Variants in NRXN3 observed in about 807,000 individuals in gnomAD.
The protein encoded by NRXN3 is neurexin 3, also known as neurexin III.
In NRXN3, 32 loss-of-function variants were observed where a neutral mutation model predicts 137.6. The observed-to-expected ratio is 0.23, with a 90% CI of 0.18 to 0.31. The LOEUF is 0.31. Among genes scored for constraint, NRXN3 ranks in the 10% least tolerant of loss-of-function variants. The pLI, the probability that NRXN3 is intolerant of heterozygous loss-of-function variation, is 1.00. For missense variants in NRXN3, 1,574 were observed against 2,062.5 expected, an observed-to-expected ratio of 0.76 and a Z score of 4.59; for synonymous variants, 798 against 784.5, an observed-to-expected ratio of 1.02 and a Z score of -0.29.
intron 4 of NRXN3, among the ~76,000 whole-genome samples, chr14:78,603,298 G>A (rs984589794): frequency 1.3e-5 from 2 of 152,090 alleles, no homozygotes; most frequent in African/African-American, 4.8e-5. Flanking sequence ...TACCCATCAT[G>A]TTTTGATATA....
At chr14:79,239,139 G>A (rs2043991790) in intron 15 of NRXN3, among the ~76,000 whole-genome samples, 1 of 152,110 alleles carries the variant, frequency 6.6e-6, no homozygotes, top group African/African-American at 2.4e-5. Context: ...ATTAGTCACA[G>A]TAAGAGATTA....
intron 3 of NRXN3, 21 bp from the exon 4 acceptor site, chr14:78,297,810 C>T (rs2076494342): frequency 6.6e-7 from 1 of 1,517,816 alleles, no homozygotes; most frequent in Admixed American, 2.0e-5. Context: ...TCTTCCCTTT[C>T]TCCCTGTTTC....
chr14:78,292,940 C>T (rs537713131), intron 3 of NRXN3, among the ~76,000 whole-genome samples: 1 of 152,220 alleles, frequency 6.6e-6, no homozygotes, highest in Admixed American at 6.5e-5. Flanking sequence ...TTTCTGAGGT[C>T]GACTAGAAGG....
chr14:78,452,463 G>A (rs908108581), intron 4 of NRXN3, among the ~76,000 whole-genome samples: 2 of 152,182 alleles, frequency 1.3e-5, no homozygotes. Flanking sequence ...CACCCAGATG[G>A]TGACAGATCC....
intron 1 of NRXN3, among the ~76,000 whole-genome samples, chr14:78,190,336 AAAC>A (rs2060599072): frequency 6.6e-6 from 1 of 152,212 alleles, no homozygotes; most frequent in African/African-American, 2.4e-5. Flanking sequence ...ACAAACTAGA[AAAC>A]AACAAAATTC....
At chr14:79,785,319 T>A (rs60327461) in intron 19 of NRXN3, among the ~76,000 whole-genome samples, 11,534 of 152,274 alleles carry the variant, frequency 0.076, 506 homozygotes, top group South Asian at 0.15. Context: ...TTACACCTCC[T>A]CTCGGTCCTC....
At chr14:79,018,260 C>CAAAAAAAAAAAAAA (rs1163466834) in intron 15 of NRXN3, among the ~76,000 whole-genome samples, 1 of 23,160 alleles carries the variant, frequency 4.3e-5, no homozygotes, top group African/African-American at 1.6e-4. Flanking sequence ...AACTCTGTCT[C>CAAAAAAAAAAAAAA]AAAAAAAAAA....
At chr14:79,689,883 A>C (rs1393980647) in intron 17 of NRXN3, among the ~76,000 whole-genome samples, 1 of 152,150 alleles carries the variant, frequency 6.6e-6, no homozygotes, top group Non-Finnish European at 1.5e-5. Flanking sequence ...GGTGTATATT[A>C]AATTCTAGAA....
chr14:79,185,268 GT>G (rs1430098008), intron 15 of NRXN3, among the ~76,000 whole-genome samples: 2 of 152,150 alleles, frequency 1.3e-5, no homozygotes, highest in Admixed American at 1.3e-4. Flanking sequence ...GCTCTGAGTT[GT>G]CTTCTCTCAT....
chr14:79,638,741 G>T (rs1472882451), intron 16 of NRXN3, among the ~76,000 whole-genome samples: 2 of 152,332 alleles, frequency 1.3e-5, no homozygotes, highest in Middle Eastern at 3.4e-3. Flanking sequence ...GAAAGGAACA[G>T]GATGGTAGAG....
intron 6 of NRXN3, among the ~76,000 whole-genome samples, chr14:78,663,276 C>G (rs1567005316): frequency 6.6e-6 from 1 of 152,194 alleles, no homozygotes; most frequent in Non-Finnish European, 1.5e-5. Context: ...GGAATTGTCT[C>G]TCACTACCGC....
chr14:79,674,186 G>A (rs1384482234), intron 17 of NRXN3, among the ~76,000 whole-genome samples: 1 of 152,024 alleles, frequency 6.6e-6, no homozygotes, highest in East Asian at 1.9e-4. Flanking sequence ...CCTACCTAGT[G>A]TGAAAGATGA....
In NRXN3 at chr14:78,177,567, A is replaced by ATTAG. The variant is rs535663177; in HGVS notation, c.-704+6893_-704+6894insTTAG. Among the ~76,000 whole-genome samples the ATTAG allele has an allele frequency of 1.7e-3, 251 of 152,002 alleles. 1 individual carries two copies. The highest frequency in any genetic ancestry group is 6.8e-3 in the Middle Eastern group (2 of 294). On this transcript the variant is annotated intron_variant, in intron 1 of 20. Transcript: ENST00000335750. ...GGCCTTTGTCCTAGTGTAATTAGTA[A>ATTAG]CTCTCAAAAGTGTCCCGGTTTGGAT...
intron 1 of NRXN3, among the ~76,000 whole-genome samples, chr14:78,240,881 A>T (rs2066996854): frequency 6.6e-6 from 1 of 152,198 alleles, no homozygotes; most frequent in African/African-American, 2.4e-5. Flanking sequence ...TGATGTGGTT[A>T]TCATTAAAAT....
At chr14:79,239,019 GA>G (rs1169312479) in intron 15 of NRXN3, among the ~76,000 whole-genome samples, 1 of 152,082 alleles carries the variant, frequency 6.6e-6, no homozygotes, top group Admixed American at 6.6e-5. Flanking sequence ...AATGATCTAA[GA>G]CCCCCAGTAG....
intron 4 of NRXN3, among the ~76,000 whole-genome samples, chr14:78,490,463 G>C (rs2095645971): frequency 6.6e-6 from 1 of 152,132 alleles, no homozygotes; most frequent in South Asian, 2.1e-4. Flanking sequence ...TCTTGGTTTT[G>C]CTGTACCCAT....
intron 15 of NRXN3, among the ~76,000 whole-genome samples, chr14:79,040,688 G>A (rs76631944): frequency 0.055 from 8,379 of 152,092 alleles, 678 homozygotes; most frequent in African/African-American, 0.18. Flanking sequence ...GAGGGGTCCC[G>A]GAAGAGGGTT....
At chr14:78,644,777 A>T (rs999282835) in intron 4 of NRXN3, among the ~76,000 whole-genome samples, 2 of 152,230 alleles carry the variant, frequency 1.3e-5, no homozygotes, top group African/African-American at 4.8e-5. Context: ...ATTTAAAAGC[A>T]ATTCCTGAAG....
At chr14:78,828,828 C>T (rs2098974073) in intron 10 of NRXN3, among the ~76,000 whole-genome samples, 1 of 152,118 alleles carries the variant, frequency 6.6e-6, no homozygotes. Flanking sequence ...TTTGTGAATG[C>T]ATAAAGACTT....
Sources: allele counts gnomAD v4.1 joint callset (sites outside exome capture counted in the v4.1 genomes callset), GRCh38; gene constraint gnomAD v4.1.1; transcripts MANE v1.5; gene names NCBI Gene and HGNC (gene_info 2026-07-23, HGNC 2026-07-21).